FILIP1L: variants seen among roughly 807,000 people sequenced by gnomAD.
FILIP1L encodes filamin A interacting protein 1 like, also known as filamin A-interacting protein 1-like.
Under a neutral mutation model 96.6 loss-of-function variants are expected in FILIP1L, and 55 were observed. The observed-to-expected ratio is 0.57, with a 90% CI of 0.46 to 0.71. FILIP1L has a LOEUF of 0.71. FILIP1L is among the 30% of genes least tolerant of loss of function. The probability of loss-of-function intolerance (pLI) is 0.00; values close to 1 mark genes in which losing one functional copy is unlikely to be tolerated. For synonymous variants in FILIP1L, 467 were observed against 473.9 expected, an observed-to-expected ratio of 0.99 and a Z score of 0.19; for missense variants, 1,304 against 1,321.2, an observed-to-expected ratio of 0.99 and a Z score of 0.20.
chr3:99,876,341 G>T, intron 4 of FILIP1L: 1 of 437,724 alleles, frequency 2.3e-6, no homozygotes, highest in Non-Finnish European at 3.0e-6. Context: ...TTCCGGCCGT[G>T]TGAACGGACC....
At chr3:99,833,324 G>T (rs1942763354) in intron 5 of FILIP1L, 1 of 1,422,070 alleles carries the variant, frequency 7.0e-7, no homozygotes, top group Non-Finnish European at 9.8e-7. Context: ...AAAAGTGTTG[G>T]TTTGTTTTAT....
At chr3:100,083,662 T>A in intron 1 of FILIP1L, among the ~76,000 whole-genome samples, 1 of 152,272 alleles carries the variant, frequency 6.6e-6, no homozygotes. Context: ...TCATATTTTT[T>A]AAAGTGTTAG....
At chr3:100,045,771 G>A (rs1485481352) in intron 1 of FILIP1L, among the ~76,000 whole-genome samples, 1 of 152,182 alleles carries the variant, frequency 6.6e-6, no homozygotes, top group Non-Finnish European at 1.5e-5. Flanking sequence ...GTGAATGTGG[G>A]GAAACCACAG....
chr3:99,881,450 T>C (rs1424778309), intron 4 of FILIP1L, among the ~76,000 whole-genome samples: 1 of 152,176 alleles, frequency 6.6e-6, no homozygotes, highest in Non-Finnish European at 1.5e-5. Flanking sequence ...TCCCTGTCCC[T>C]TGCCAGTACA....
At chr3:99,835,092 C>A (rs1306553787) in intron 5 of FILIP1L, among the ~76,000 whole-genome samples, 1 of 152,050 alleles carries the variant, frequency 6.6e-6, no homozygotes, top group Non-Finnish European at 1.5e-5. Flanking sequence ...ATTGTTTTAC[C>A]TTTCTTGTTT....
chr3:99,870,774 A>T (rs74432388), intron 4 of FILIP1L, among the ~76,000 whole-genome samples: 449 of 152,356 alleles, frequency 2.9e-3, no homozygotes, highest in Middle Eastern at 6.8e-3. Flanking sequence ...TGGTTTACCC[A>T]CAGAAACTTT....
At chr3:99,991,951 T>TGTATATATACAC (rs1491537132) in intron 1 of FILIP1L, among the ~76,000 whole-genome samples, 334 of 147,244 alleles carry the variant, frequency 2.3e-3, no homozygotes, top group African/African-American at 8.0e-3. Flanking sequence ...TATATATGTG[T>TGTATATATACAC]ATATATGTGT....
chr3:99,863,486 G>A (rs1301640209), intron 4 of FILIP1L, among the ~76,000 whole-genome samples: 1 of 152,142 alleles, frequency 6.6e-6, no homozygotes, highest in Non-Finnish European at 1.5e-5. Flanking sequence ...AAAATGTCAA[G>A]TAGACTATTA....
At chr3:99,842,043 T>C (rs2107507082) in intron 5 of FILIP1L, among the ~76,000 whole-genome samples, 1 of 152,314 alleles carries the variant, frequency 6.6e-6, no homozygotes, top group South Asian at 2.1e-4. Flanking sequence ...AGTGTGTTTA[T>C]GGCAGCACAA....
chr3:99,943,230 T>C (rs1707903887), intron 1 of FILIP1L, among the ~76,000 whole-genome samples: 1 of 152,178 alleles, frequency 6.6e-6, no homozygotes, highest in Non-Finnish European at 1.5e-5. Context: ...ATTATGACAT[T>C]AAAATAATGG....
rs796296540 is a variant in FILIP1L at position 99,983,418 on chromosome 3, A to G, written c.-10-52388T>C. Reference sequence around the variant, plus strand: ...TATATATATATATATATATATATATATGTATGTATGTATGTATATATATGT... The same window carrying G: ...TATATATATATATATATATATATATGTGTATGTATGTATGTATATATATGT... On this transcript the variant is annotated intron_variant, in intron 1 of 5. Coordinates refer to ENST00000477258, the MANE Select transcript of FILIP1L (RefSeq NM_001387850.1). 5.3e-3 allele frequency among the ~76,000 whole-genome samples: 432 copies of G among 82,066 alleles called. 24 individuals are homozygous for G. The South Asian group carries it at 0.075, about 14-fold the overall frequency. The allele number at this position is 82,066 out of a possible 152,430, so 53.8% of individuals were successfully genotyped here.
intron 1 of FILIP1L, among the ~76,000 whole-genome samples, chr3:100,000,211 A>G (rs1372847334): frequency 6.6e-6 from 1 of 152,204 alleles, no homozygotes. Flanking sequence ...GTCTCTATCT[A>G]ATTATCACCT....
intron 4 of FILIP1L, among the ~76,000 whole-genome samples, chr3:99,872,582 A>C (rs932631248): frequency 6.6e-6 from 1 of 151,922 alleles, no homozygotes; most frequent in Non-Finnish European, 1.5e-5. Flanking sequence ...GCCTGCCCCC[A>C]CAAACACATC....
intron 5 of FILIP1L, among the ~76,000 whole-genome samples, chr3:99,837,354 T>G (rs1942942807): frequency 6.6e-6 from 1 of 151,542 alleles, no homozygotes; most frequent in Admixed American, 6.6e-5. Context: ...GTGACTGATC[T>G]CAGGCACAGT....
intron 1 of FILIP1L, among the ~76,000 whole-genome samples, chr3:100,058,393 T>C (rs1016509586): frequency 7.9e-5 from 12 of 152,226 alleles, no homozygotes; most frequent in African/African-American, 2.7e-4. Context: ...GAATGTAAAA[T>C]GAGATCACCT....
chr3:99,983,720 C>T (rs1036890476), intron 1 of FILIP1L, among the ~76,000 whole-genome samples: 4 of 149,172 alleles, frequency 2.7e-5, no homozygotes, highest in African/African-American at 9.8e-5. Flanking sequence ...AGAAGTACCA[C>T]ATTATTTACC....
At chr3:99,896,593 G>T (rs904038432) in intron 4 of FILIP1L, among the ~76,000 whole-genome samples, 1 of 152,150 alleles carries the variant, frequency 6.6e-6, no homozygotes, top group African/African-American at 2.4e-5. Context: ...AGAGGAAGTA[G>T]TTAACAACAA....
At chr3:100,003,069 G>T (rs1314453310) in intron 1 of FILIP1L, among the ~76,000 whole-genome samples, 1 of 152,102 alleles carries the variant, frequency 6.6e-6, no homozygotes, top group East Asian at 1.9e-4. Context: ...TGATGTCTGT[G>T]TGACTCACAT....
chr3:99,925,588 T>A lies in FILIP1L; in HGVS notation c.427-1180A>T, dbSNP rs115547610. On this transcript the variant is annotated intron_variant, in intron 3 of 5. Coordinates refer to ENST00000477258, the MANE Select transcript of FILIP1L (RefSeq NM_001387850.1). ...ACTTCCAGCAGTAGTTTAAAAAAAA[T>A]TTTTGATTAACAAAAGTAGGGATTC... is the stretch of plus-strand genomic sequence containing the variant. Among the ~76,000 whole-genome samples the A allele has an allele frequency of 4.2e-3, 632 of 152,200 alleles. 3 individuals carry two copies. The highest frequency in any genetic ancestry group is 0.013 in the African/African-American group (543 of 41,524).
Sources: gnomAD v4.1 joint callset for allele counts (sites outside exome capture counted in the v4.1 genomes callset) on GRCh38, gnomAD v4.1.1 for gene constraint, MANE v1.5 for transcripts, NCBI Gene and HGNC (gene_info 2026-07-23, HGNC 2026-07-21) for gene names.